RANBP17: variants seen among roughly 807,000 people sequenced by gnomAD.
RANBP17 encodes RAN binding protein 17.
RANBP17 carries 158 observed loss-of-function variants against 141.2 expected under a neutral mutation model. The observed-to-expected ratio is 1.12, with a 90% CI of 0.98 to 1.28. The LOEUF (loss-of-function observed/expected upper bound fraction) is 1.28. Among genes scored for constraint, RANBP17 ranks in the 50% most tolerant of loss-of-function variants. RANBP17 has a pLI of 0.00. For synonymous variants in RANBP17, 430 were observed against 450.0 expected, an observed-to-expected ratio of 0.96 and a Z score of 0.56; for missense variants, 1,438 against 1,290.7, an observed-to-expected ratio of 1.11 and a Z score of -1.75.
In RANBP17 at chr5:170,950,100, G is replaced by C. The variant is rs566345193; in HGVS notation, c.1469-3497G>C. On this transcript the variant is annotated intron_variant, in intron 12 of 27. Transcript: ENST00000523189. ...TTACCGTATACAAAAATGAAATCTA[G>C]ATGGATTAGACTTAAGACCTGAAAC... 6.6e-5 allele frequency among the ~76,000 whole-genome samples: 10 copies of C among 152,186 alleles called. No individual in the cohort carries two copies. The South Asian group carries it at 1.5e-3, about 22-fold the overall frequency.
chr5:171,168,554 C>T (rs1759864780), intron 14 of RANBP17, among the ~76,000 whole-genome samples: 1 of 152,112 alleles, frequency 6.6e-6, no homozygotes, highest in African/African-American at 2.4e-5. Context: ...GGGAAACTTT[C>T]TGTTCTACAT....
At chr5:171,237,929 A>AT (rs902118387) in intron 22 of RANBP17, among the ~76,000 whole-genome samples, 5 of 152,152 alleles carry the variant, frequency 3.3e-5, no homozygotes, top group African/African-American at 1.2e-4. Flanking sequence ...TAACTCCTAG[A>AT]TTTTCAGCTT....
rs764789904 is a variant in RANBP17, at chr5:170,924,378, G to A, written c.1296G>A (p.Leu432=). ...IVVRDHLDDP[L]DDTATVFQQL... is the part of the protein sequence containing the mutation. ...GCAGAGATCACTTAGATGATCCACT[G>A]GATGATACTGCCACTGTGTTTCAGC... is the stretch of plus-strand genomic sequence containing the variant. Residue 432 remains leucine (L), a synonymous_variant, in exon 12 of 28, where the codon CTG becomes CTA. Transcript: ENST00000523189. 8.1e-6 allele frequency: 13 copies of A among 1,597,440 alleles called. No individual in the cohort carries two copies. The East Asian group carries it at 1.1e-4, about 14-fold the overall frequency.
chr5:171,192,946 G>A (rs1033031498), intron 18 of RANBP17, among the ~76,000 whole-genome samples: 1 of 152,186 alleles, frequency 6.6e-6, no homozygotes, highest in Non-Finnish European at 1.5e-5. Flanking sequence ...AGTTTCAGGG[G>A]CCAGTTAAGC....
chr5:170,910,164 A>G (rs1167255666), intron 6 of RANBP17: 1 of 158,192 alleles, frequency 6.3e-6, no homozygotes, highest in Middle Eastern at 3.0e-3. Flanking sequence ...AGTTTAGCCA[A>G]GATCGTTGAC....
chr5:170,954,113 A>G (rs1026453855), intron 13 of RANBP17, among the ~76,000 whole-genome samples: 1 of 152,206 alleles, frequency 6.6e-6, no homozygotes, highest in Admixed American at 6.5e-5. Flanking sequence ...CAGTTGAATT[A>G]TTCTCTTCAA....
chr5:171,059,220 A>G lies in RANBP17; in HGVS notation c.1710+90843A>G, dbSNP rs997307421. On this transcript the variant is annotated intron_variant, in intron 14 of 27. Transcript: ENST00000523189. ...TTGTTGCCATTGCTTTTGGTGTTTT[A>G]GACATGAAGTCCTTGCCCATGCCTA... 5.9e-5 allele frequency among the ~76,000 whole-genome samples: 9 copies of G among 151,962 alleles called. 1 individual carries two copies. The highest frequency in any genetic ancestry group is 4.2e-4 in the South Asian group (2 of 4,818).
At chr5:170,898,060 C>T (rs191562490) in intron 5 of RANBP17, among the ~76,000 whole-genome samples, 1 of 152,220 alleles carries the variant, frequency 6.6e-6, no homozygotes, top group Non-Finnish European at 1.5e-5. Flanking sequence ...TCCACATCCT[C>T]TCTAGCATCT....
intron 2 of RANBP17, among the ~76,000 whole-genome samples, chr5:170,879,032 AC>A (rs1768430889): frequency 6.6e-6 from 1 of 152,126 alleles, no homozygotes; most frequent in African/African-American, 2.4e-5. Flanking sequence ...AGAGAATAGA[AC>A]TGTTTTTGGG....
intron 25 of RANBP17, among the ~76,000 whole-genome samples, chr5:171,270,955 T>C (rs1204279779): frequency 6.6e-6 from 1 of 152,092 alleles, no homozygotes; most frequent in Non-Finnish European, 1.5e-5. Flanking sequence ...TGAATTCATC[T>C]TACTCTTGTC....
At chr5:170,864,733 T>C (rs1767095135) in intron 1 of RANBP17, among the ~76,000 whole-genome samples, 1 of 151,790 alleles carries the variant, frequency 6.6e-6, no homozygotes, top group South Asian at 2.1e-4. Context: ...CAGGACTGTT[T>C]AAGAAGCAGG....
At chr5:171,081,231 T>G (rs1448696130) in intron 14 of RANBP17, among the ~76,000 whole-genome samples, 1 of 152,196 alleles carries the variant, frequency 6.6e-6, no homozygotes, top group Admixed American at 6.5e-5. Context: ...TCTCTTATTT[T>G]CTTTCTCCTT....
intron 14 of RANBP17, among the ~76,000 whole-genome samples, chr5:171,124,371 T>C (rs920341278): frequency 2.0e-5 from 3 of 152,078 alleles, no homozygotes; most frequent in Non-Finnish European, 4.4e-5. Context: ...TGCCATAAAG[T>C]AACCAGATAC....
Position 171,213,618 on chromosome 5 carries a change from G to A in RANBP17, c.2232-13G>A. ...CTTTAGACCCTTAAATTCTTTAACAGGCTTTATAAAAGGTACCCAACGTAC... is the reference window on the plus strand; with the variant it reads ...CTTTAGACCCTTAAATTCTTTAACAAGCTTTATAAAAGGTACCCAACGTAC... On this transcript the variant is annotated splice_polypyrimidine_tract_variant and intron_variant, in intron 20 of 27. Coordinates refer to ENST00000523189, the MANE Select transcript of RANBP17 (RefSeq NM_022897.5). 4 of 1,594,848 alleles carry A rather than the reference G, an allele frequency of 2.5e-6. No individual in the cohort carries two copies. The highest frequency in any genetic ancestry group is 3.4e-6 in the Non-Finnish European group (4 of 1,162,644).
At chr5:171,190,942 G>T (rs1761587697) in intron 18 of RANBP17, among the ~76,000 whole-genome samples, 2 of 152,198 alleles carry the variant, frequency 1.3e-5, no homozygotes, top group African/African-American at 4.8e-5. Context: ...GTACTACTTA[G>T]ATGAGAAGCA....
At chr5:170,945,099 AC>A (rs1285469074) in intron 12 of RANBP17, among the ~76,000 whole-genome samples, 1 of 152,162 alleles carries the variant, frequency 6.6e-6, no homozygotes, top group Non-Finnish European at 1.5e-5. Context: ...GTAGATACTT[AC>A]AGCAGATGTT....
chr5:171,221,362 C>A (rs1377351989), intron 21 of RANBP17, among the ~76,000 whole-genome samples: 1 of 152,128 alleles, frequency 6.6e-6, no homozygotes, highest in Non-Finnish European at 1.5e-5. Flanking sequence ...GTATCAGGCA[C>A]TGTAGGAAAT....
chr5:171,105,034 T>C (rs1754687207), intron 14 of RANBP17, among the ~76,000 whole-genome samples: 1 of 152,192 alleles, frequency 6.6e-6, no homozygotes, highest in Non-Finnish European at 1.5e-5. Context: ...CTTAGCATGT[T>C]GTGAGTACCT....
intron 14 of RANBP17, among the ~76,000 whole-genome samples, chr5:171,147,192 G>A (rs901605195): frequency 2.4e-4 from 36 of 152,172 alleles, no homozygotes; most frequent in African/African-American, 8.7e-4. Context: ...TTCAGTGTCA[G>A]TAGTATTGAA....
Sources: allele counts gnomAD v4.1 joint callset (sites outside exome capture counted in the v4.1 genomes callset), GRCh38; gene constraint gnomAD v4.1.1; transcripts MANE v1.5; gene names NCBI Gene and HGNC (gene_info 2026-07-23, HGNC 2026-07-21).